Variants in PCDHA11 observed in about 807,000 individuals in gnomAD.
The protein encoded by PCDHA11 is protocadherin alpha-11.
PCDHA11 carries 61 observed loss-of-function variants against 70.3 expected under a neutral mutation model. That is an observed-to-expected ratio of 0.87 (90% CI 0.71 to 1.07). The LOEUF (loss-of-function observed/expected upper bound fraction) is 1.07, where lower values mean the gene tolerates loss of function less well. Ranked by LOEUF, PCDHA11 falls within the 50% of genes least tolerant of loss-of-function variation. The probability of loss-of-function intolerance (pLI) is 0.00; values close to 1 mark genes in which losing one functional copy is unlikely to be tolerated. For synonymous variants in PCDHA11, 633 were observed against 555.1 expected (o/e 1.14, Z -1.97); for missense variants, 1,324 against 1,237.5 (o/e 1.07, Z -1.05).
chr5:140,950,040 C>T (rs1053592525), intron 1 of PCDHA11, among the ~76,000 whole-genome samples: 4 of 151,718 alleles, frequency 2.6e-5, no homozygotes, highest in Non-Finnish European at 5.9e-5. Flanking sequence ...AAGTTACAAC[C>T]ATATAAGACT....
chr5:140,870,954 G>A lies in PCDHA11; in HGVS notation c.1851G>A (p.Ser617=). 6.2e-7 allele frequency: 1 copy of A among 1,613,632 alleles called. No individual in the cohort carries two copies. Among genetic ancestry groups the A allele is most frequent in the Non-Finnish European group, 8.5e-7 (1 of 1,179,870 alleles). Residue 617 remains serine, a synonymous_variant, in exon 1 of 4, where the codon TCG becomes TCA. Coordinates refer to ENST00000398640, the MANE Select transcript of PCDHA11 (RefSeq NM_018902.5). The part of the protein sequence containing the change: ...SYELQPAAGG[S]RIPFRVGLYT... ...AATTGCAGCCGGCGGCGGGCGGCTC[G>A]CGCATCCCGTTCCGCGTGGGGCTGT...
At chr5:140,920,825 G>A (rs557360536) in intron 1 of PCDHA11, among the ~76,000 whole-genome samples, 12 of 150,152 alleles carry the variant, frequency 8.0e-5, no homozygotes, top group African/African-American at 2.4e-4. Context: ...GCCTGGCGAC[G>A]GAGCAAGACC....
In PCDHA11 at chr5:140,987,930, G is replaced by T. The variant is rs554856826; in HGVS notation, c.2539+5367G>T. Among the ~76,000 whole-genome samples, 18 of 152,196 alleles carry T rather than the reference G, an allele frequency of 1.2e-4. No individual in the cohort carries two copies. The South Asian group carries it at 2.1e-3, about 18-fold the overall frequency. Reference sequence around the variant, plus strand: ...GATTTATATTCTTAATTGTCTCAAGGATTCTTACCTGTCTGACAAAACCAA... The same window carrying T: ...GATTTATATTCTTAATTGTCTCAAGTATTCTTACCTGTCTGACAAAACCAA... On this transcript the variant is annotated intron_variant, in intron 3 of 3. Transcript: ENST00000398640.
At chr5:140,884,493 C>G (rs782633321) in intron 1 of PCDHA11, 4 of 1,613,920 alleles carry the variant, frequency 2.5e-6, no homozygotes, top group South Asian at 1.1e-5. Context: ...CTAGTGTGCT[C>G]CAGCGCGGCA....
At chr5:140,968,640 C>T (rs2096260908) in intron 1 of PCDHA11, 1 of 1,614,038 alleles carries the variant, frequency 6.2e-7, no homozygotes, top group Admixed American at 1.7e-5. Context: ...TACCATCTAG[C>T]CCAGACTTCT....
At chr5:140,926,618 G>T in intron 1 of PCDHA11, 1 of 382,578 alleles carries the variant, frequency 2.6e-6, no homozygotes, top group Non-Finnish European at 4.6e-6. Flanking sequence ...TGCACCCCTA[G>T]GCGGCGCTGC....
At chr5:140,918,694 T>C (rs1260893633) in intron 1 of PCDHA11, among the ~76,000 whole-genome samples, 2 of 152,186 alleles carry the variant, frequency 1.3e-5, no homozygotes, top group Non-Finnish European at 2.9e-5. Flanking sequence ...CAAACATAAT[T>C]AAGTCATGAG....
At chr5:140,880,514 T>A (rs2058367516) in intron 1 of PCDHA11, among the ~76,000 whole-genome samples, 1 of 152,198 alleles carries the variant, frequency 6.6e-6, no homozygotes, top group African/African-American at 2.4e-5. Context: ...TTTGGTCACA[T>A]CTCTCAATGT....
intron 1 of PCDHA11, among the ~76,000 whole-genome samples, chr5:140,897,136 A>G (rs1206983852): frequency 6.6e-6 from 1 of 152,096 alleles, no homozygotes; most frequent in Admixed American, 6.5e-5. Context: ...TAAACTTTCT[A>G]GCCTTTGTTA....
In PCDHA11 at chr5:140,978,905, T is replaced by C. The variant is rs782532288; in HGVS notation, c.2392-44T>C. 9 of 1,613,632 alleles carry C rather than the reference T, an allele frequency of 5.6e-6. No homozygotes were observed. In the South Asian group the frequency reaches 9.9e-5, roughly 18 times the overall value. On this transcript the variant is annotated intron_variant, in intron 1 of 3. Coordinates refer to ENST00000398640, the MANE Select transcript of PCDHA11 (RefSeq NM_018902.5). ...AATTAGCAGCATTCCTGGGAGAACA[T>C]TGTCTTGTCATTTTAACAGAAAACT...
intron 1 of PCDHA11, among the ~76,000 whole-genome samples, chr5:140,896,328 A>G (rs1157543991): frequency 6.6e-6 from 1 of 152,138 alleles, no homozygotes; most frequent in Non-Finnish European, 1.5e-5. Flanking sequence ...CACAGTGGCT[A>G]AACTAATTTA....
chr5:140,918,107 C>T (rs2078522550), intron 1 of PCDHA11, among the ~76,000 whole-genome samples: 1 of 152,132 alleles, frequency 6.6e-6, no homozygotes. Flanking sequence ...AGATCTTTCA[C>T]ATCCTTGATT....
At chr5:140,895,880 C>T (rs564030159) in intron 1 of PCDHA11, among the ~76,000 whole-genome samples, 4 of 152,240 alleles carry the variant, frequency 2.6e-5, no homozygotes, top group East Asian at 3.9e-4. Flanking sequence ...GGCGCGATCT[C>T]GGCTCACTGC....
intron 3 of PCDHA11, among the ~76,000 whole-genome samples, chr5:140,994,938 C>T (rs2097656507): frequency 6.6e-6 from 1 of 152,232 alleles, no homozygotes; most frequent in East Asian, 1.9e-4. Context: ...CCTTAAACAT[C>T]CTGCTAAATA....
chr5:140,873,086 C>T (rs984385666), intron 1 of PCDHA11, among the ~76,000 whole-genome samples: 6 of 152,122 alleles, frequency 3.9e-5, no homozygotes, highest in African/African-American at 9.7e-5. Context: ...ATTTCCCCCC[C>T]GTATAGAGGC....
At chr5:140,943,630 T>C (rs1224015760) in intron 1 of PCDHA11, among the ~76,000 whole-genome samples, 1 of 152,130 alleles carries the variant, frequency 6.6e-6, no homozygotes, top group Non-Finnish European at 1.5e-5. Flanking sequence ...ATAAGGAAGC[T>C]GGATTATGGA....
intron 1 of PCDHA11, chr5:140,928,603 C>A: frequency 1.2e-6 from 2 of 1,614,208 alleles, no homozygotes; most frequent in South Asian, 2.2e-5. Flanking sequence ...GGAAATTGTG[C>A]CCCGCTCTGC....
intron 1 of PCDHA11, among the ~76,000 whole-genome samples, chr5:140,956,940 T>G (rs1446313251): frequency 6.7e-6 from 1 of 150,168 alleles, no homozygotes; most frequent in Non-Finnish European, 1.5e-5. Flanking sequence ...AGGATAAAAT[T>G]TACATTAAAA....
At chr5:140,884,395 C>T (rs1554181520) in intron 1 of PCDHA11, 1 of 1,614,000 alleles carries the variant, frequency 6.2e-7, no homozygotes, top group African/African-American at 1.3e-5. Context: ...CGGTGTCCAG[C>T]CTGTTGGTGC....
Sources: allele counts gnomAD v4.1 joint callset (sites outside exome capture counted in the v4.1 genomes callset), GRCh38; gene constraint gnomAD v4.1.1; transcripts MANE v1.5; gene names NCBI Gene and HGNC (gene_info 2026-07-23, HGNC 2026-07-21).